Variants in CHODL observed in about 807,000 individuals in gnomAD.
The protein encoded by CHODL is transmembrane protein MT75.
In CHODL, 29 loss-of-function variants were observed where a neutral mutation model predicts 34.5. That is an observed-to-expected ratio of 0.84 (90% CI 0.63 to 1.15). CHODL has a LOEUF of 1.15. CHODL is among the 50% of genes most tolerant of loss of function. The pLI is 0.00. For missense variants in CHODL, 332 were observed against 332.5 expected (o/e 1.00, Z 0.01); for synonymous variants, 125 against 116.1 (o/e 1.08, Z -0.49).
chr21:17,927,558 T>C (rs1208157798), intron 1 of CHODL, among the ~76,000 whole-genome samples: 2 of 152,186 alleles, frequency 1.3e-5, no homozygotes, highest in Non-Finnish European at 2.9e-5. Context: ...TGGACTATAA[T>C]GGATCCTCAG....
intron 2 of CHODL, among the ~76,000 whole-genome samples, chr21:18,223,332 A>G (rs2073901642): frequency 6.6e-6 from 1 of 152,224 alleles, no homozygotes; most frequent in Non-Finnish European, 1.5e-5. Context: ...ATTAATTTAA[A>G]TTACATTAAA....
At chr21:17,959,179 A>T (rs1032836546) in intron 1 of CHODL, among the ~76,000 whole-genome samples, 2 of 152,158 alleles carry the variant, frequency 1.3e-5, no homozygotes, top group African/African-American at 2.4e-5. Flanking sequence ...CCCCAGCTTA[A>T]GTCCTGGGTG....
intron 2 of CHODL, among the ~76,000 whole-genome samples, chr21:18,122,042 C>A (rs747511447): frequency 5.9e-5 from 9 of 152,004 alleles, no homozygotes; most frequent in Non-Finnish European, 8.8e-5. Context: ...TGAATTATAG[C>A]CCCTAAAGAG....
At chr21:18,063,316 T>G (rs1333653013) in intron 2 of CHODL, among the ~76,000 whole-genome samples, 2 of 152,210 alleles carry the variant, frequency 1.3e-5, no homozygotes, top group East Asian at 1.9e-4. Flanking sequence ...ATGAACACAT[T>G]ATAAAGAATG....
At chr21:18,251,707 T>TTTTAATATATAAAATAAATATTTATTTTA (rs2074256402) in intron 1 of CHODL, among the ~76,000 whole-genome samples, 2 of 141,782 alleles carry the variant, frequency 1.4e-5, no homozygotes, top group Non-Finnish European at 3.1e-5. Context: ...TATTTATTTA[T>TTTTAATATATAAAATAAATATTTATTTTA]TTTAATATAT....
At chr21:18,000,733 C>A (rs2063897260) in intron 1 of CHODL, among the ~76,000 whole-genome samples, 1 of 152,180 alleles carries the variant, frequency 6.6e-6, no homozygotes, top group South Asian at 2.1e-4. Flanking sequence ...TCTTTAGCAT[C>A]CCCACACTGG....
chr21:18,140,612 G>A (rs117569638), intron 2 of CHODL, among the ~76,000 whole-genome samples: 3,412 of 152,096 alleles, frequency 0.022, 62 homozygotes, highest in Non-Finnish European at 0.033. Flanking sequence ...AAAGTCCCAG[G>A]TACCAGAAAG....
At chr21:18,131,774 GTTAAAATTA>G (rs767160648) in intron 2 of CHODL, among the ~76,000 whole-genome samples, 3 of 152,082 alleles carry the variant, frequency 2.0e-5, no homozygotes, top group Non-Finnish European at 4.4e-5. Context: ...TCTGATCCAT[GTTAAAATTA>G]TTACCAACAC....
intron 1 of CHODL, among the ~76,000 whole-genome samples, chr21:17,978,729 A>G (rs1302063965): frequency 2.2e-5 from 2 of 89,336 alleles, no homozygotes; most frequent in African/African-American, 1.2e-4. Flanking sequence ...AAAAGAAAAA[A>G]AAAGAAAAAA....
intron 2 of CHODL, among the ~76,000 whole-genome samples, chr21:18,188,828 A>G (rs1255675450): frequency 2.6e-5 from 4 of 152,238 alleles, no homozygotes; most frequent in Non-Finnish European, 5.9e-5. Flanking sequence ...GGGAATAGGC[A>G]TGCCGTAGTA....
chr21:18,088,558 T>C (rs1180185450), intron 2 of CHODL, among the ~76,000 whole-genome samples: 1 of 152,182 alleles, frequency 6.6e-6, no homozygotes, highest in Non-Finnish European at 1.5e-5. Context: ...AGCCAAGCCC[T>C]GTGGTTTTCT....
chr21:18,069,115 C>G (rs528601578), intron 2 of CHODL, among the ~76,000 whole-genome samples: 30 of 152,074 alleles, frequency 2.0e-4, no homozygotes, highest in African/African-American at 7.0e-4. Context: ...AGAAAAATTT[C>G]TAGAATAATT....
At chr21:17,954,702 A>G (rs2063483667) in intron 1 of CHODL, among the ~76,000 whole-genome samples, 1 of 133,658 alleles carries the variant, frequency 7.5e-6, no homozygotes, top group South Asian at 3.0e-4. Flanking sequence ...TCAGGCTGGA[A>G]GTACACCACC....
rs191192078 is a variant in CHODL at position 18,082,959 on chromosome 21, C to T, written c.-45+54988C>T. Among the ~76,000 whole-genome samples, 3 of 152,044 alleles carry T rather than the reference C, an allele frequency of 2.0e-5. No homozygotes were observed. In the East Asian group the frequency reaches 5.8e-4, roughly 29 times the overall value. On this transcript the variant is annotated intron_variant, in intron 2 of 6. Transcript: ENST00000400127. Reference sequence around the variant, plus strand: ...CTTTTCTGAAGAGAAATTCAAGCCACTGGCTGCAAAAATTTGCGTTAGTAA... The same window carrying T: ...CTTTTCTGAAGAGAAATTCAAGCCATTGGCTGCAAAAATTTGCGTTAGTAA...
At chr21:17,993,080 T>G (rs368682989) in intron 1 of CHODL, among the ~76,000 whole-genome samples, 26 of 152,362 alleles carry the variant, frequency 1.7e-4, no homozygotes, top group African/African-American at 6.3e-4. Context: ...TAGTACCATG[T>G]TGAATAAAAG....
intron 2 of CHODL, among the ~76,000 whole-genome samples, chr21:18,132,137 T>A (rs1185768128): frequency 1.3e-5 from 2 of 152,160 alleles, no homozygotes; most frequent in Non-Finnish European, 2.9e-5. Flanking sequence ...ATATGCAGGT[T>A]TGTTACATAT....
At chr21:18,132,746 G>A (rs919405010) in intron 2 of CHODL, among the ~76,000 whole-genome samples, 2 of 152,046 alleles carry the variant, frequency 1.3e-5, no homozygotes, top group African/African-American at 4.8e-5. Flanking sequence ...ATATTAACAT[G>A]TTTTCTCTCA....
chr21:18,000,953 T>A (rs2063899880), intron 1 of CHODL, among the ~76,000 whole-genome samples: 1 of 152,108 alleles, frequency 6.6e-6, no homozygotes, highest in Non-Finnish European at 1.5e-5. Context: ...ATCCTAAAGA[T>A]TAGTTTAGCA....
intron 1 of CHODL, among the ~76,000 whole-genome samples, chr21:17,999,898 A>C (rs2063889193): frequency 6.6e-6 from 1 of 152,202 alleles, no homozygotes; most frequent in Non-Finnish European, 1.5e-5. Context: ...GTGAAGATGT[A>C]CACCAACCTC....
Sources: gnomAD v4.1 joint callset for allele counts (sites outside exome capture counted in the v4.1 genomes callset) on GRCh38, gnomAD v4.1.1 for gene constraint, MANE v1.5 for transcripts, NCBI Gene and HGNC (gene_info 2026-07-23, HGNC 2026-07-21) for gene names.